The following SLC6A6 variants were observed in gnomAD, a reference collection of about 807,000 sequenced individuals.
SLC6A6 encodes sodium- and chloride-dependent taurine transporter.
In SLC6A6, 16 loss-of-function variants were observed where a neutral mutation model predicts 68.8. The ratio of observed to expected loss-of-function variants is 0.23; its 90% CI spans 0.16 to 0.35. SLC6A6 has a LOEUF of 0.35. SLC6A6 is among the 10% of genes least tolerant of loss of function. The pLI is 1.00. For synonymous variants in SLC6A6, 312 were observed against 315.4 expected (o/e 0.99, Z 0.12); for missense variants, 474 against 802.8 (o/e 0.59, Z 4.95).
At position 14,485,803 on chromosome 3, in the gene SLC6A6, A is replaced by G. The variant is rs1015191990; in HGVS notation, c.*796A>G. On this transcript the variant is annotated 3_prime_UTR_variant, in exon 15 of 15. Transcript: ENST00000622186. ...GTGAGTGGATAGTCAGTAGACCGTC[A>G]GAACCACTGGCCAGAGAGGGAGCTG... 1 of 152,426 alleles carries G rather than the reference A, an allele frequency of 6.6e-6. No individual in the cohort carries two copies. The highest frequency in any genetic ancestry group is 1.5e-5 in the Non-Finnish European group (1 of 68,048). 9.4% of individuals were successfully genotyped at this position (152,426 alleles called of 1,614,324 possible). A position where few individuals can be genotyped will look rare whatever the true frequency, so the allele number is the denominator to read the frequency against.
At position 14,402,718 on chromosome 3, in the gene SLC6A6, G is replaced by A; in HGVS notation, c.-183G>A. On this transcript the variant is annotated 5_prime_UTR_variant, in exon 1 of 15. Transcript: ENST00000622186. This position sits in a 1 kb window ranked among gnomAD's most constrained non-coding sequence, Gnocchi z 4.8. Reference sequence around the variant, plus strand: ...GAGCCCCGAGGACCGCAAGCCCAGAGGACAAGCTGCGCCAAGAGGGAGTGC... The same window carrying A: ...GAGCCCCGAGGACCGCAAGCCCAGAAGACAAGCTGCGCCAAGAGGGAGTGC... 2.5e-6 allele frequency: 1 copy of A among 398,236 alleles called. No individual in the cohort carries two copies. Among genetic ancestry groups the A allele is most frequent in the Non-Finnish European group, 4.4e-6 (1 of 225,774 alleles). 24.7% of individuals were successfully genotyped at this position (398,236 alleles called of 1,614,324 possible). A position where few individuals can be genotyped will look rare whatever the true frequency, so the allele number is the denominator to read the frequency against.
intron 1 of SLC6A6, among the ~76,000 whole-genome samples, chr3:14,410,371 T>C (rs1255002609): frequency 6.6e-6 from 1 of 152,112 alleles, no homozygotes; most frequent in African/African-American, 2.4e-5. Context: ...TTGTCACAAG[T>C]CACTGGAAAG....
chr3:14,466,473 C>G, intron 6 of SLC6A6, 43 bp from the exon 7 acceptor site: 1 of 1,580,582 alleles, frequency 6.3e-7, no homozygotes, highest in Non-Finnish European at 8.6e-7. Flanking sequence ...TTAGCAGCAG[C>G]AAGTGATGCC....
intron 2 of SLC6A6, among the ~76,000 whole-genome samples, chr3:14,436,801 G>T (rs1409065383): frequency 2.0e-5 from 3 of 152,066 alleles, no homozygotes; most frequent in Non-Finnish European, 4.4e-5. Flanking sequence ...AGCTGGCCTG[G>T]CCCAGCCCTG....
chr3:14,484,912 G>A lies in SLC6A6; in HGVS notation c.1768G>A (p.Val590Met), dbSNP rs767476496. 8 of 1,612,384 alleles carry A rather than the reference G, an allele frequency of 5.0e-6. No individual in the cohort carries two copies. The East Asian group carries it at 1.6e-4, about 31-fold the overall frequency. Residue 590 changes from valine (V) to methionine (M), a missense_variant, in exon 15 of 15, where the codon GTG becomes ATG. Val to Met is a conservative substitution (Grantham distance 21). Transcript: ENST00000622186. The part of the protein sequence containing the change: ...LTPREPNRWA[V>M]EREGATPYNS... ...CCCAAGGGAACCCAACCGCTGGGCT[G>A]TGGAGCGCGAGGGAGCCACACCTTA...
In SLC6A6 at chr3:14,446,411, C is replaced by A. The variant is rs369954926; in HGVS notation, c.364+560C>A. On this transcript the variant is annotated intron_variant, in intron 4 of 14. Coordinates refer to ENST00000622186, the MANE Select transcript of SLC6A6 (RefSeq NM_003043.6). ...GGAGCAACAGACGCTGGGGACTCCA[C>A]AAGGGGCGGGGAGCAAGGGCTGAAA... Among the ~76,000 whole-genome samples the A allele has an allele frequency of 1.1e-3, 160 of 152,254 alleles. 5 individuals are homozygous for A. The South Asian group carries it at 0.03, about 28-fold the overall frequency.
chr3:14,470,861 C>T (rs936211940), intron 9 of SLC6A6, among the ~76,000 whole-genome samples: 17 of 152,192 alleles, frequency 1.1e-4, no homozygotes, highest in Admixed American at 9.8e-4. Context: ...TGGTAACCCC[C>T]GCTCCTGATG....
chr3:14,405,786 G>C (rs1431643868), intron 1 of SLC6A6, among the ~76,000 whole-genome samples: 1 of 152,214 alleles, frequency 6.6e-6, no homozygotes, highest in Non-Finnish European at 1.5e-5. Context: ...TTGATTAATA[G>C]ACCTTGGTTA....
intron 2 of SLC6A6, among the ~76,000 whole-genome samples, chr3:14,440,546 G>C (rs1699959283): frequency 6.6e-6 from 1 of 152,120 alleles, no homozygotes; most frequent in Admixed American, 6.5e-5. Context: ...GTGAGCAAAG[G>C]GTTGGGCGGG....
At chr3:14,474,691 A>C (rs1268788705) in intron 10 of SLC6A6, among the ~76,000 whole-genome samples, 1 of 152,242 alleles carries the variant, frequency 6.6e-6, no homozygotes, top group Admixed American at 6.5e-5. Flanking sequence ...ACAGCTAGTG[A>C]AGGGCTTGAT....
intron 7 of SLC6A6, 44 bp downstream of exon 7, chr3:14,466,694 C>G: frequency 6.4e-7 from 1 of 1,573,492 alleles, no homozygotes; most frequent in Non-Finnish European, 8.7e-7. Context: ...CCATCCAGGG[C>G]TGGGCCGGCA....
intron 5 of SLC6A6, among the ~76,000 whole-genome samples, chr3:14,448,880 T>G (rs2124953619): frequency 6.6e-6 from 1 of 152,364 alleles, no homozygotes; most frequent in East Asian, 1.9e-4. Flanking sequence ...TAAGCCAGCC[T>G]TGGGGCTCAG....
intron 14 of SLC6A6, among the ~76,000 whole-genome samples, chr3:14,483,755 A>G (rs999211496): frequency 2.0e-5 from 3 of 152,182 alleles, no homozygotes; most frequent in African/African-American, 7.2e-5. Flanking sequence ...GCAGTGGCTC[A>G]ATCACAGCCT....
At chr3:14,421,220 G>A (rs1432670260) in intron 2 of SLC6A6, among the ~76,000 whole-genome samples, 2 of 152,176 alleles carry the variant, frequency 1.3e-5, no homozygotes, top group East Asian at 3.8e-4. Context: ...TTCTCATTTG[G>A]GGGAGATGAG....
chr3:14,418,166 T>C (rs1699407823), intron 2 of SLC6A6, among the ~76,000 whole-genome samples: 1 of 152,200 alleles, frequency 6.6e-6, no homozygotes, highest in Non-Finnish European at 1.5e-5. Flanking sequence ...AAGATGGCCT[T>C]GACCCCTTAC....
intron 6 of SLC6A6, among the ~76,000 whole-genome samples, chr3:14,466,097 A>G (rs926028392): frequency 6.6e-6 from 1 of 151,898 alleles, no homozygotes; most frequent in East Asian, 1.9e-4. Context: ...CCCCATCTCT[A>G]CTAAAAATAC....
intron 2 of SLC6A6, among the ~76,000 whole-genome samples, chr3:14,423,453 A>G (rs575425567): frequency 1.3e-5 from 2 of 152,328 alleles, no homozygotes; most frequent in Non-Finnish European, 2.9e-5. Flanking sequence ...TCAGGTGGGT[A>G]GAAGGAAGCT....
chr3:14,416,929 G>A (rs1478492663), intron 2 of SLC6A6, among the ~76,000 whole-genome samples: 2 of 152,206 alleles, frequency 1.3e-5, no homozygotes, highest in Non-Finnish European at 2.9e-5. Context: ...CTGCAGCCTC[G>A]ATCTCCCCAG....
chr3:14,452,130 C>T (rs1376935147), intron 5 of SLC6A6, among the ~76,000 whole-genome samples: 2 of 152,182 alleles, frequency 1.3e-5, no homozygotes, highest in African/African-American at 2.4e-5. Flanking sequence ...CCCTCCCTGC[C>T]AGCCCTTCCT....
Sources: allele counts gnomAD v4.1 joint callset (sites outside exome capture counted in the v4.1 genomes callset), GRCh38; gene constraint gnomAD v4.1.1; non-coding constraint Gnocchi (gnomAD v3.1); transcripts MANE v1.5; gene names NCBI Gene and HGNC (gene_info 2026-07-23, HGNC 2026-07-21).